Variants in PDE11A observed in about 807,000 individuals in gnomAD.
The protein encoded by PDE11A is dual 3',5'-cyclic-AMP and -GMP phosphodiesterase 11A.
PDE11A carries 100 observed loss-of-function variants against 100.5 expected under a neutral mutation model. That is an observed-to-expected ratio of 1.00 (90% confidence interval 0.85 to 1.18). The LOEUF (loss-of-function observed/expected upper bound fraction) is 1.18, where lower values mean the gene tolerates loss of function less well. Ranked by LOEUF, PDE11A falls within the 50% of genes most tolerant of loss-of-function variation. The pLI is 0.00. For missense variants in PDE11A, 1,141 were observed against 1,152.6 expected (o/e 0.99, Z 0.15); for synonymous variants, 381 against 420.8 (o/e 0.91, Z 1.16).
intron 5 of PDE11A, among the ~76,000 whole-genome samples, chr2:177,844,550 T>C (rs1388970327): frequency 6.6e-6 from 1 of 151,944 alleles, no homozygotes; most frequent in African/African-American, 2.4e-5. Context: ...TTAATTTATT[T>C]ATTTTTTATT....
At chr2:177,665,445 A>C (rs538478339) in intron 18 of PDE11A, among the ~76,000 whole-genome samples, 1 of 151,394 alleles carries the variant, frequency 6.6e-6, no homozygotes, top group Non-Finnish European at 1.5e-5. Flanking sequence ...ATGTCGTTGC[A>C]TTCCAGCCTA....
In PDE11A at chr2:178,022,769, T is replaced by C. The variant is rs573902593; in HGVS notation, c.913-8309A>G. 1.4e-4 allele frequency among the ~76,000 whole-genome samples: 21 copies of C among 152,308 alleles called. 1 individual carries two copies. The highest frequency in any genetic ancestry group is 3.4e-3 in the Middle Eastern group (1 of 294). ...GGTGCCCAATTTTTACTCATCTCCC[T>C]TGGGACAAAAGAACAAGAAATGATC... On this transcript the variant is annotated intron_variant, in intron 1 of 19. Coordinates refer to ENST00000286063, the MANE Select transcript of PDE11A (RefSeq NM_016953.4).
At chr2:177,844,005 A>C (rs747494715) in intron 5 of PDE11A, among the ~76,000 whole-genome samples, 25 of 152,172 alleles carry the variant, frequency 1.6e-4, no homozygotes, top group Non-Finnish European at 2.8e-4. Context: ...TCTGAAAATC[A>C]CCTCTGCATT....
intron 19 of PDE11A, among the ~76,000 whole-genome samples, chr2:177,643,774 G>A (rs566350529): frequency 9.2e-5 from 14 of 152,250 alleles, no homozygotes; most frequent in South Asian, 2.1e-4. Context: ...AAATGGCTTC[G>A]TGGGCCAAGC....
intron 2 of PDE11A, among the ~76,000 whole-genome samples, chr2:177,929,892 T>G (rs10201731): frequency 0.087 from 13,168 of 152,136 alleles, 542 homozygotes; most frequent in South Asian, 0.1. Context: ...AATCCTACCA[T>G]TGTATAAGTT....
chr2:177,768,759 T>C (rs946767883), intron 10 of PDE11A, among the ~76,000 whole-genome samples: 2 of 152,224 alleles, frequency 1.3e-5, no homozygotes, highest in African/African-American at 4.8e-5. Context: ...ACTCCAGTTC[T>C]GGGACCAGAT....
chr2:178,039,903 T>C (rs189511857), intron 1 of PDE11A, among the ~76,000 whole-genome samples: 15 of 152,068 alleles, frequency 9.9e-5, no homozygotes, highest in East Asian at 1.9e-4. Flanking sequence ...CAAAATTAAA[T>C]TGCATATTGT....
At chr2:177,787,208 GC>G (rs2082550837) in intron 9 of PDE11A, among the ~76,000 whole-genome samples, 1 of 147,944 alleles carries the variant, frequency 6.8e-6, no homozygotes, top group South Asian at 2.3e-4. Flanking sequence ...AACTCTACAA[GC>G]CAGAAGAGAG....
intron 10 of PDE11A, among the ~76,000 whole-genome samples, chr2:177,733,624 T>C (rs2081726154): frequency 6.6e-6 from 1 of 152,136 alleles, no homozygotes; most frequent in Admixed American, 6.5e-5. Context: ...CAAAGGAAAA[T>C]TGACTTGTTG....
At chr2:177,713,095 G>A (rs1165402660) in intron 12 of PDE11A, among the ~76,000 whole-genome samples, 2 of 151,892 alleles carry the variant, frequency 1.3e-5, no homozygotes, top group Non-Finnish European at 2.9e-5. Flanking sequence ...TGCAACCTCT[G>A]CCTCCTGGGT....
In PDE11A at chr2:177,883,610, G is replaced by C. The variant is rs546050942; in HGVS notation, c.1303-7687C>G. ...GGAACGCTCTAGGCTGACAAGTGGG[G>C]GAAGTTTCCCAGGCTGAGGGAACAA... On this transcript the variant is annotated intron_variant, in intron 4 of 19. Transcript: ENST00000286063. 3.9e-5 allele frequency among the ~76,000 whole-genome samples: 6 copies of C among 152,272 alleles called. No homozygotes were observed. In the South Asian group the frequency reaches 1.2e-3, roughly 32 times the overall value.
At chr2:178,018,230 C>G (rs2086363745) in intron 1 of PDE11A, 3 of 406,630 alleles carry the variant, frequency 7.4e-6, no homozygotes, top group Admixed American at 5.5e-5. Context: ...CTGCTTCCAG[C>G]TGCTGCTTTG....
At chr2:177,813,477 T>C (rs2082982587) in intron 9 of PDE11A, among the ~76,000 whole-genome samples, 1 of 152,192 alleles carries the variant, frequency 6.6e-6, no homozygotes, top group East Asian at 1.9e-4. Context: ...CTATTTTTTT[T>C]AAGTGTACTT....
chr2:177,875,120 T>G (rs2084209102), intron 5 of PDE11A, among the ~76,000 whole-genome samples: 1 of 151,726 alleles, frequency 6.6e-6, no homozygotes. Flanking sequence ...GCTACTCAGG[T>G]GGCTGAGGCA....
At chr2:177,733,701 C>G (rs978992627) in intron 10 of PDE11A, among the ~76,000 whole-genome samples, 1 of 152,166 alleles carries the variant, frequency 6.6e-6, no homozygotes, top group Non-Finnish European at 1.5e-5. Context: ...CCTTACGATT[C>G]TGGGATTAAT....
intron 6 of PDE11A, among the ~76,000 whole-genome samples, chr2:177,827,163 A>G (rs1309039286): frequency 6.6e-6 from 1 of 152,240 alleles, no homozygotes; most frequent in Non-Finnish European, 1.5e-5. Context: ...CTTAAGTGCT[A>G]CATGACGAGG....
intron 5 of PDE11A, among the ~76,000 whole-genome samples, chr2:177,870,963 T>G (rs1189013702): frequency 1.3e-5 from 2 of 152,178 alleles, no homozygotes; most frequent in Non-Finnish European, 2.9e-5. Context: ...TTCCTTATTG[T>G]TCTAAAATAT....
chr2:177,754,635 C>T (rs889076024), intron 10 of PDE11A, among the ~76,000 whole-genome samples: 6 of 152,188 alleles, frequency 3.9e-5, no homozygotes, highest in Non-Finnish European at 7.3e-5. Context: ...GCACAGTATG[C>T]GGTCAGTGTC....
chr2:177,761,109 T>C lies in PDE11A; in HGVS notation c.1788+8214A>G, dbSNP rs200621492. Among the ~76,000 whole-genome samples, 26 of 152,270 alleles carry C rather than the reference T, an allele frequency of 1.7e-4. No individual in the cohort carries two copies. In the East Asian group the frequency reaches 3.9e-3, roughly 23 times the overall value. ...AGAAACGTATTTAGTAGTAAAGAGA[T>C]TGCTGAATCAACTAAGAGTTAAAGG... is the stretch of plus-strand genomic sequence containing the variant. On this transcript the variant is annotated intron_variant, in intron 10 of 19. Transcript: ENST00000286063.
Sources: allele counts gnomAD v4.1 joint callset (sites outside exome capture counted in the v4.1 genomes callset), GRCh38; gene constraint gnomAD v4.1.1; transcripts MANE v1.5; gene names NCBI Gene and HGNC (gene_info 2026-07-23, HGNC 2026-07-21).